NRG3: variants seen among roughly 807,000 people sequenced by gnomAD.
NRG3 encodes the protein neuregulin 3, also known as pro-neuregulin-3, membrane-bound isoform.
In NRG3, 31 loss-of-function variants were observed where a neutral mutation model predicts 66.9. That is an observed-to-expected ratio of 0.46 (90% CI 0.35 to 0.63). The LOEUF is 0.63. Among genes scored for constraint, NRG3 ranks in the 20% least tolerant of loss-of-function variants. NRG3 has a pLI of 0.00. For missense variants in NRG3, 910 were observed against 878.9 expected (o/e 1.04, Z -0.45); for synonymous variants, 393 against 359.4 (o/e 1.09, Z -1.06).
At chr10:82,361,798 CA>C in intron 2 of NRG3, among the ~76,000 whole-genome samples, 1 of 151,870 alleles carries the variant, frequency 6.6e-6, no homozygotes, top group South Asian at 2.1e-4. Context: ...AATAAGATGC[CA>C]TTTAATAGAT....
intron 4 of NRG3, among the ~76,000 whole-genome samples, chr10:82,888,889 T>A (rs1334535734): frequency 1.3e-5 from 2 of 151,990 alleles, no homozygotes; most frequent in Non-Finnish European, 2.9e-5. Context: ...ACAAGCTCTG[T>A]GGATTTTTAA....
Position 82,184,491 on chromosome 10 carries a change from G to A in NRG3, c.824-174248G>A, listed in dbSNP as rs569974362. On this transcript the variant is annotated intron_variant, in intron 1 of 8. Coordinates refer to ENST00000372141, the MANE Select transcript of NRG3 (RefSeq NM_001010848.4). ...GAGAAATGCTTTAAAGCTTTTGAAG[G>A]CATGCTCAAAGAAGTCAGAGGCCTT... Among the ~76,000 whole-genome samples the A allele has an allele frequency of 2.0e-5, 3 of 152,160 alleles. No homozygotes were observed. In the South Asian group the frequency reaches 6.2e-4, roughly 32 times the overall value.
chr10:82,789,241 T>C (rs1445086402), intron 3 of NRG3, among the ~76,000 whole-genome samples: 1 of 152,154 alleles, frequency 6.6e-6, no homozygotes, highest in African/African-American at 2.4e-5. Context: ...CAATAATGTC[T>C]AATGATGTTG....
At chr10:81,946,398 A>G (rs1451242362) in intron 1 of NRG3, among the ~76,000 whole-genome samples, 1 of 152,156 alleles carries the variant, frequency 6.6e-6, no homozygotes, top group Admixed American at 6.6e-5. Flanking sequence ...TTTAATGGCA[A>G]CCCTAGGAAA....
Position 82,324,910 on chromosome 10 carries a change from G to C in NRG3, c.824-33829G>C, listed in dbSNP as rs1312808544. Among the ~76,000 whole-genome samples the C allele has an allele frequency of 2.6e-5, 4 of 152,096 alleles. No homozygotes were observed. In the East Asian group the frequency reaches 5.8e-4, roughly 22 times the overall value. ...TTGTTGGATGGAGTGTACTATAACTGAATTTTTTCAAGTTGGTTGACTTTT... is the reference window on the plus strand; with the variant it reads ...TTGTTGGATGGAGTGTACTATAACTCAATTTTTTCAAGTTGGTTGACTTTT... On this transcript the variant is annotated intron_variant, in intron 1 of 8. Transcript: ENST00000372141.
chr10:82,891,284 T>C (rs1026569520), intron 4 of NRG3, among the ~76,000 whole-genome samples: 1 of 151,940 alleles, frequency 6.6e-6, no homozygotes, highest in Non-Finnish European at 1.5e-5. Context: ...ATATTCTTTC[T>C]GTGCATGGAC....
intron 2 of NRG3, among the ~76,000 whole-genome samples, chr10:82,490,259 T>C (rs1313405289): frequency 6.6e-6 from 1 of 152,204 alleles, no homozygotes; most frequent in African/African-American, 2.4e-5. Flanking sequence ...CCAGTTCCTC[T>C]ACTTCTGTTC....
At chr10:82,545,414 TG>T (rs1377178707) in intron 2 of NRG3, among the ~76,000 whole-genome samples, 1 of 149,728 alleles carries the variant, frequency 6.7e-6, no homozygotes, top group Non-Finnish European at 1.5e-5. Context: ...AGTCTCTCTC[TG>T]TCGCCCAGGC....
At chr10:82,084,233 C>CA (rs141079851) in intron 1 of NRG3, among the ~76,000 whole-genome samples, 68,736 of 151,524 alleles carry the variant, frequency 0.45, 16,515 homozygotes, top group South Asian at 0.57. Context: ...GTCTCAAAAA[C>CA]AAAAAAGACA....
chr10:81,957,437 A>G, intron 1 of NRG3, among the ~76,000 whole-genome samples: 1 of 152,202 alleles, frequency 6.6e-6, no homozygotes, highest in East Asian at 1.9e-4. Context: ...AATATTTAAA[A>G]TAGTCAGTGC....
chr10:82,941,211 C>T (rs1848551160), intron 4 of NRG3, among the ~76,000 whole-genome samples: 1 of 152,062 alleles, frequency 6.6e-6, no homozygotes, highest in Non-Finnish European at 1.5e-5. Flanking sequence ...ATTATATGCC[C>T]ACCCTGCCAG....
At chr10:82,233,292 G>A (rs1180498919) in intron 1 of NRG3, among the ~76,000 whole-genome samples, 1 of 152,136 alleles carries the variant, frequency 6.6e-6, no homozygotes, top group African/African-American at 2.4e-5. Flanking sequence ...GTGTACCCGG[G>A]AGGCGGAGCT....
Position 82,018,623 on chromosome 10 carries a change from T to G in NRG3, c.823+142460T>G, listed in dbSNP as rs180967575. On this transcript the variant is annotated intron_variant, in intron 1 of 8. Coordinates refer to ENST00000372141, the MANE Select transcript of NRG3 (RefSeq NM_001010848.4). Reference sequence around the variant, plus strand: ...TCTTTTATTTCGTTGAGCAGTGGTTTGTAGTTCTCCTTGAAGAGGTCCTTC... The same window carrying G: ...TCTTTTATTTCGTTGAGCAGTGGTTGGTAGTTCTCCTTGAAGAGGTCCTTC... Among the ~76,000 whole-genome samples the G allele has an allele frequency of 1.2e-3, 184 of 152,310 alleles. 1 individual carries two copies. Among genetic ancestry groups the G allele is most frequent in the African/African-American group, 4.2e-3 (174 of 41,578 alleles).
intron 1 of NRG3, among the ~76,000 whole-genome samples, chr10:82,121,855 T>A (rs1437962787): frequency 6.6e-6 from 1 of 152,016 alleles, no homozygotes. Context: ...ACAGACTAGT[T>A]TCAAACCCCT....
At position 82,100,510 on chromosome 10, in the gene NRG3, C is replaced by A. The variant is rs1478831758; in HGVS notation, c.823+224347C>A. Among the ~76,000 whole-genome samples the A allele has an allele frequency of 5.3e-5, 8 of 152,122 alleles. No individual in the cohort carries two copies. The South Asian group carries it at 1.2e-3, about 24-fold the overall frequency. The stretch of plus-strand genomic sequence containing the variant: ...TTTCAACTTTAAATATAACAGTAGT[C>A]TAAGCATTTGTTTTCTTTTGGTGTG... On this transcript the variant is annotated intron_variant, in intron 1 of 8. Coordinates refer to ENST00000372141, the MANE Select transcript of NRG3 (RefSeq NM_001010848.4).
chr10:82,652,737 A>G (rs1385111282), intron 2 of NRG3, among the ~76,000 whole-genome samples: 1 of 152,190 alleles, frequency 6.6e-6, no homozygotes. Context: ...GGGCTTTGAC[A>G]GGGACCCACC....
chr10:82,071,516 A>G (rs1026534013), intron 1 of NRG3, among the ~76,000 whole-genome samples: 7 of 152,166 alleles, frequency 4.6e-5, no homozygotes, highest in Admixed American at 1.3e-4. Flanking sequence ...AGGGGAGAGC[A>G]TGCTGGATGT....
rs994773410 is a variant in NRG3, at chr10:82,426,431, A to G, written c.953+67563A>G. 4.6e-5 allele frequency among the ~76,000 whole-genome samples: 7 copies of G among 150,700 alleles called. No individual in the cohort carries two copies. The East Asian group carries it at 1.4e-3, about 29-fold the overall frequency. On this transcript the variant is annotated intron_variant, in intron 2 of 8. Coordinates refer to ENST00000372141, the MANE Select transcript of NRG3 (RefSeq NM_001010848.4). ...TATTCAAATGTGTCTCTAGTTTTGT[A>G]TAATGGTTGTTTGCCCTGTGACCTA...
At chr10:82,622,607 G>C (rs2049116823) in intron 2 of NRG3, among the ~76,000 whole-genome samples, 1 of 152,138 alleles carries the variant, frequency 6.6e-6, no homozygotes, top group South Asian at 2.1e-4. Flanking sequence ...TTTTAATTTT[G>C]ATGTTGTCCC....
Sources: allele counts gnomAD v4.1 joint callset (sites outside exome capture counted in the v4.1 genomes callset), GRCh38; gene constraint gnomAD v4.1.1; transcripts MANE v1.5; gene names NCBI Gene and HGNC (gene_info 2026-07-23, HGNC 2026-07-21).